UQCC1: variants seen among roughly 807,000 people sequenced by gnomAD.
The protein encoded by UQCC1 is bFGF-repressed Zic-binding protein.
UQCC1 carries 38 observed loss-of-function variants against 48.0 expected under a neutral mutation model. The ratio of observed to expected loss-of-function variants is 0.79; its 90% confidence interval spans 0.61 to 1.04. The LOEUF (loss-of-function observed/expected upper bound fraction) is 1.04. UQCC1 is among the 50% of genes least tolerant of loss of function. UQCC1 has a pLI of 0.00. For missense variants in UQCC1, 368 were observed against 381.8 expected, an observed-to-expected ratio of 0.96 and a Z score of 0.30; for synonymous variants, 111 against 129.2, an observed-to-expected ratio of 0.86 and a Z score of 0.95.
chr20:35,326,050 G>C (rs188666730), intron 7 of UQCC1, among the ~76,000 whole-genome samples: 2 of 152,254 alleles, frequency 1.3e-5, no homozygotes, highest in East Asian at 3.9e-4. Flanking sequence ...TTTTCAAAAA[G>C]TAACCCTAGA....
intron 6 of UQCC1, among the ~76,000 whole-genome samples, chr20:35,351,721 C>G (rs2061492094): frequency 1.3e-5 from 2 of 152,328 alleles, no homozygotes; most frequent in South Asian, 4.1e-4. Context: ...CACAGATTTT[C>G]TCAGACCATA....
chr20:35,411,254 A>G (rs1437102069), intron 1 of UQCC1, among the ~76,000 whole-genome samples: 1 of 152,168 alleles, frequency 6.6e-6, no homozygotes, highest in Non-Finnish European at 1.5e-5. Flanking sequence ...AAATCTCAAG[A>G]GGTGCAGTAG....
At chr20:35,308,270 T>A (rs1421415594) in intron 8 of UQCC1, among the ~76,000 whole-genome samples, 14 of 152,266 alleles carry the variant, frequency 9.2e-5, no homozygotes, top group Admixed American at 5.9e-4. Context: ...GCACAATGGC[T>A]GAGTCAGGAA....
At chr20:35,342,520 A>T (rs1224338101) in intron 7 of UQCC1, among the ~76,000 whole-genome samples, 1 of 152,216 alleles carries the variant, frequency 6.6e-6, no homozygotes, top group Non-Finnish European at 1.5e-5. Context: ...AGAGGCAGAG[A>T]GTGAAATTTA....
At chr20:35,375,499 T>G (rs1442983685) in intron 4 of UQCC1, among the ~76,000 whole-genome samples, 1 of 152,094 alleles carries the variant, frequency 6.6e-6, no homozygotes, top group Non-Finnish European at 1.5e-5. Context: ...CAGATATCCC[T>G]ATCTGGGGAG....
intron 7 of UQCC1, among the ~76,000 whole-genome samples, chr20:35,324,913 G>T (rs2061175705): frequency 6.6e-6 from 1 of 152,186 alleles, no homozygotes; most frequent in Non-Finnish European, 1.5e-5. Flanking sequence ...TATCATTTAT[G>T]ATAGCCAAAA....
chr20:35,325,933 C>G (rs1412395772), intron 7 of UQCC1, among the ~76,000 whole-genome samples: 2 of 151,848 alleles, frequency 1.3e-5, no homozygotes, highest in Non-Finnish European at 2.9e-5. Flanking sequence ...GAAGGTGGAG[C>G]TGGAAGGGCA....
intron 6 of UQCC1, among the ~76,000 whole-genome samples, chr20:35,357,025 AC>A (rs1009112547): frequency 2.0e-5 from 3 of 152,224 alleles, no homozygotes; most frequent in African/African-American, 7.2e-5. Context: ...CTGGCAAAAT[AC>A]AGTTAAGAGT....
chr20:35,337,096 C>G (rs2061323808), intron 7 of UQCC1, among the ~76,000 whole-genome samples: 1 of 152,152 alleles, frequency 6.6e-6, no homozygotes, highest in African/African-American at 2.4e-5. Flanking sequence ...AGTTTAGGAG[C>G]AGTGGTTCTC....
At chr20:35,323,038 G>T (rs963360985) in intron 7 of UQCC1, among the ~76,000 whole-genome samples, 1 of 152,044 alleles carries the variant, frequency 6.6e-6, no homozygotes. Context: ...TAGTAGAGAC[G>T]GGGTTTCACC....
chr20:35,369,011 G>A (rs182693061), intron 5 of UQCC1, among the ~76,000 whole-genome samples: 15 of 152,344 alleles, frequency 9.8e-5, no homozygotes, highest in Non-Finnish European at 1.5e-4. Context: ...TTTCTTGGAA[G>A]TCTGTCTTTC....
intron 2 of UQCC1, among the ~76,000 whole-genome samples, chr20:35,391,432 T>C (rs1221316891): frequency 6.6e-6 from 1 of 151,960 alleles, no homozygotes; most frequent in African/African-American, 2.4e-5. Context: ...GACCAGCCTG[T>C]TCACCAAATG....
intron 2 of UQCC1, chr20:35,386,327 A>G (rs1568700143): frequency 2.2e-6 from 1 of 456,252 alleles, no homozygotes. Flanking sequence ...TGACTCTTCA[A>G]TTCTGGTTTA....
chr20:35,408,203 A>G (rs553374214), intron 1 of UQCC1, among the ~76,000 whole-genome samples: 127 of 152,224 alleles, frequency 8.3e-4, no homozygotes, highest in African/African-American at 3.0e-3. Context: ...CTGAGGCAGG[A>G]GTATCACTTA....
At chr20:35,313,327 G>T (rs948940457) in intron 8 of UQCC1, among the ~76,000 whole-genome samples, 1 of 132,870 alleles carries the variant, frequency 7.5e-6, no homozygotes, top group African/African-American at 2.8e-5. Context: ...GGTAAGTAGA[G>T]ATCGCGCCAC....
chr20:35,403,138 CAA>C (rs988148622), intron 1 of UQCC1, among the ~76,000 whole-genome samples: 1 of 151,324 alleles, frequency 6.6e-6, no homozygotes, highest in African/African-American at 2.4e-5. Context: ...TCTGAGCTTT[CAA>C]AAGATTGATT....
intron 7 of UQCC1, among the ~76,000 whole-genome samples, chr20:35,317,284 G>GC (rs2061072467): frequency 6.6e-6 from 1 of 152,190 alleles, no homozygotes; most frequent in Non-Finnish European, 1.5e-5. Flanking sequence ...GAGTTAGCAT[G>GC]CATTCATTCA....
Position 35,405,744 on chromosome 20 carries a change from C to T in UQCC1, c.24+6196G>A, listed in dbSNP as rs142879978. 7.6e-3 allele frequency among the ~76,000 whole-genome samples: 1,163 copies of T among 152,176 alleles called. 18 individuals carry two copies. Among genetic ancestry groups the T allele is most frequent in the African/African-American group, 0.026 (1,067 of 41,530 alleles). Reference sequence around the variant, plus strand: ...CTCTACTAAAAATACAAAAATTAGCCGGGCGTGGTGGCAGGCACCTGTAAT... The same window carrying T: ...CTCTACTAAAAATACAAAAATTAGCTGGGCGTGGTGGCAGGCACCTGTAAT... On this transcript the variant is annotated intron_variant, in intron 1 of 9. Transcript: ENST00000374385.
At chr20:35,315,326 GA>G in intron 7 of UQCC1, 1 of 153,110 alleles carries the variant, frequency 6.5e-6, no homozygotes, top group Non-Finnish European at 1.5e-5. Context: ...AGGCTGGAAA[GA>G]AAATGGCGCA....
Sources: allele counts gnomAD v4.1 joint callset (sites outside exome capture counted in the v4.1 genomes callset), GRCh38; gene constraint gnomAD v4.1.1; transcripts MANE v1.5; gene names NCBI Gene and HGNC (gene_info 2026-07-23, HGNC 2026-07-21).